The following MAPK6 variants were observed in gnomAD, a reference collection of about 807,000 sequenced individuals.
The protein encoded by MAPK6 is ERK-3.
In MAPK6, 19 loss-of-function variants were observed where a neutral mutation model predicts 59.3. That is an observed-to-expected ratio of 0.32 (90% CI 0.22 to 0.47). The LOEUF (loss-of-function observed/expected upper bound fraction) is 0.47. Ranked by LOEUF, MAPK6 falls within the 20% of genes least tolerant of loss-of-function variation. The pLI, the probability that MAPK6 is intolerant of heterozygous loss-of-function variation, is 1.00. For synonymous variants in MAPK6, 316 were observed against 290.3 expected (o/e 1.09, Z -0.90); for missense variants, 724 against 847.9 (o/e 0.85, Z 1.81).
At chr15:52,012,375 G>A (rs2030079677) in intron 3 of MAPK6, among the ~76,000 whole-genome samples, 1 of 152,064 alleles carries the variant, frequency 6.6e-6, no homozygotes, top group Non-Finnish European at 1.5e-5. Context: ...GCATAGGTGT[G>A]GTACCCCCTG....
intron 2 of MAPK6, among the ~76,000 whole-genome samples, chr15:52,047,474 T>C (rs1259473008): frequency 6.6e-6 from 1 of 152,074 alleles, no homozygotes; most frequent in Non-Finnish European, 1.5e-5. Context: ...GCCTCCCAAG[T>C]AGCTGGGATT....
chr15:51,983,236 C>G (rs2057180059), exon 2 of MAPK6, among the ~76,000 whole-genome samples: 1 of 152,070 alleles, frequency 6.6e-6, no homozygotes, highest in African/African-American at 2.4e-5. Context: ...CCTGTAATCC[C>G]AGCACTTTGG....
intron 2 of MAPK6, among the ~76,000 whole-genome samples, chr15:51,987,254 C>G (rs1358028001): frequency 6.6e-6 from 1 of 152,152 alleles, no homozygotes; most frequent in East Asian, 1.9e-4. Flanking sequence ...CAAATTTCCA[C>G]TGCCCCAAGA....
At chr15:52,053,088 T>G (rs2031836694) in intron 3 of MAPK6, among the ~76,000 whole-genome samples, 1 of 151,390 alleles carries the variant, frequency 6.6e-6, no homozygotes, top group Non-Finnish European at 1.5e-5. Flanking sequence ...TTTTTTTTTT[T>G]TTGAGACAGA....
chr15:51,974,075 C>T (rs956774848), intron 1 of MAPK6, among the ~76,000 whole-genome samples: 56 of 151,910 alleles, frequency 3.7e-4, no homozygotes, highest in African/African-American at 1.3e-3. Context: ...GTATTTCTTA[C>T]CTGAGGTTAT....
intron 2 of MAPK6, among the ~76,000 whole-genome samples, chr15:51,986,647 A>G (rs369551591): frequency 7.2e-5 from 11 of 152,308 alleles, no homozygotes; most frequent in African/African-American, 2.2e-4. Context: ...CTTTTCAGCC[A>G]CTAGTACCAT....
intron 3 of MAPK6, among the ~76,000 whole-genome samples, chr15:52,058,392 A>G (rs532856121): frequency 6.6e-6 from 1 of 152,310 alleles, no homozygotes; most frequent in African/African-American, 2.4e-5. Flanking sequence ...CCTTAATATG[A>G]GACCAAACTT....
chr15:52,010,612 G>C (rs955014718), intron 3 of MAPK6, among the ~76,000 whole-genome samples: 7 of 148,098 alleles, frequency 4.7e-5, no homozygotes, highest in Non-Finnish European at 7.4e-5. Flanking sequence ...TCCATCTCTT[G>C]GGTTCAAGCG....
intron 2 of MAPK6, among the ~76,000 whole-genome samples, chr15:52,048,820 C>A (rs974250850): frequency 1.1e-4 from 16 of 151,986 alleles, no homozygotes; most frequent in Admixed American, 1.0e-3. Flanking sequence ...TTGAGACCAA[C>A]CTGGGCAACA....
Position 52,046,998 on chromosome 15 carries a change from C to G in MAPK6, c.538C>G (p.Pro180Ala). Residue 180 changes from proline (P) to alanine (A), a missense_variant, in exon 2 of 6, where the codon CCT (proline) becomes GCT (alanine). Around this residue, in one of 4 missense-constraint regions of MAPK6, gnomAD observed 105 missense variants for 191.9 expected, o/e 0.55. Coordinates refer to ENST00000261845, the MANE Select transcript of MAPK6 (RefSeq NM_002748.4). ...CTTTGGTCTTGCACGGATCATGGAT[C>G]CTCATTATTCCCATAAGGTATGTAT... ...GDFGLARIMD[P>A]HYSHKGHLSE... 6.4e-7 allele frequency: 1 copy of G among 1,569,794 alleles called. No individual in the cohort carries two copies. The highest frequency in any genetic ancestry group is 8.6e-7 in the Non-Finnish European group (1 of 1,160,392).
chr15:52,002,549 GA>G (rs1474651118), intron 2 of MAPK6, among the ~76,000 whole-genome samples: 1 of 152,202 alleles, frequency 6.6e-6, no homozygotes, highest in Non-Finnish European at 1.5e-5. Flanking sequence ...GCAGGGAAAG[GA>G]AATAAGATTG....
At chr15:52,012,104 G>A (rs944961915) in intron 3 of MAPK6, among the ~76,000 whole-genome samples, 6 of 152,148 alleles carry the variant, frequency 3.9e-5, no homozygotes, top group Non-Finnish European at 8.8e-5. Context: ...CTGAGCCAAT[G>A]CCTCTCGTAA....
chr15:51,993,802 C>CT (rs1169370572), intron 2 of MAPK6, among the ~76,000 whole-genome samples: 2,208 of 140,372 alleles, frequency 0.016, 40 homozygotes, highest in East Asian at 0.071. Flanking sequence ...TTTTTTCTTT[C>CT]TTTTTTTTTT....
chr15:52,054,860 T>G (rs972570615), intron 3 of MAPK6, among the ~76,000 whole-genome samples: 6 of 152,266 alleles, frequency 3.9e-5, no homozygotes, highest in African/African-American at 1.4e-4. Flanking sequence ...CGATCTTGGC[T>G]CACTGCAACC....
intron 3 of MAPK6, among the ~76,000 whole-genome samples, chr15:52,054,755 CACATACATAGATACACACATACATAT>C (rs2031907199): frequency 7.1e-6 from 1 of 140,718 alleles, no homozygotes; most frequent in African/African-American, 2.7e-5. Context: ...CACACATATA[CACATACATAGATACACACATACATAT>C]ATATATAATT....
chr15:52,038,843 A>G (rs1028707800), intron 1 of MAPK6, among the ~76,000 whole-genome samples: 3 of 152,228 alleles, frequency 2.0e-5, no homozygotes, highest in Non-Finnish European at 4.4e-5. Context: ...GTATACAGCA[A>G]TTTGAATAAC....
upstream of MAPK6, among the ~76,000 whole-genome samples, chr15:52,016,070 G>GCGCGCGCGCGCGCGCACA: frequency 5.4e-5 from 3 of 55,390 alleles, no homozygotes; most frequent in Non-Finnish European, 6.8e-5. Context: ...GCGCGCGCGC[G>GCGCGCGCGCGCGCGCACA]CACACACACA....
intron 1 of MAPK6, among the ~76,000 whole-genome samples, chr15:51,979,763 C>T (rs2057167957): frequency 6.6e-6 from 1 of 151,664 alleles, no homozygotes; most frequent in African/African-American, 2.4e-5. Flanking sequence ...CACTGCACTC[C>T]AGCCTGGGTG....
Position 52,055,619 on chromosome 15 carries a change from G to A in MAPK6, c.701-3014G>A, listed in dbSNP as rs551546048. Among the ~76,000 whole-genome samples, 6 of 152,248 alleles carry A rather than the reference G, an allele frequency of 3.9e-5. No homozygotes were observed. The South Asian group carries it at 6.2e-4, about 16-fold the overall frequency. On this transcript the variant is annotated intron_variant, in intron 3 of 5. Transcript: ENST00000261845. ...AAACCTCCTCCTCCCGGGTTCAAGC[G>A]ATTCTCCTGCCTCAGCCTCCCGAGT...
Sources: gnomAD v4.1 joint callset for allele counts (sites outside exome capture counted in the v4.1 genomes callset) on GRCh38, gnomAD v4.1.1 for gene constraint, gnomAD v4.1.1 regional missense constraint, MANE v1.5 for transcripts, NCBI Gene and HGNC (gene_info 2026-07-23, HGNC 2026-07-21) for gene names.